TDRD7: variants seen among roughly 807,000 people sequenced by gnomAD.
TDRD7 encodes tudor domain containing 7, also known as tudor domain-containing protein 7.
Under a neutral mutation model 109.8 loss-of-function variants are expected in TDRD7, and 47 were observed. The ratio of observed to expected loss-of-function variants is 0.43; its 90% CI spans 0.34 to 0.55. The LOEUF (loss-of-function observed/expected upper bound fraction) is 0.55. TDRD7 is among the 20% of genes least tolerant of loss of function. TDRD7 has a pLI of 0.03. For missense variants in TDRD7, 1,164 were observed against 1,319.2 expected, an observed-to-expected ratio of 0.88 and a Z score of 1.82; for synonymous variants, 424 against 457.3, an observed-to-expected ratio of 0.93 and a Z score of 0.93.
intron 3 of TDRD7, among the ~76,000 whole-genome samples, chr9:97,431,279 C>T (rs951308846): frequency 4.6e-5 from 7 of 152,158 alleles, no homozygotes. Context: ...AGTAATTACA[C>T]AGTGGGAAAT....
At position 97,464,880 on chromosome 9, in the gene TDRD7, T is replaced by C; in HGVS notation, c.1481T>C (p.Met494Thr). ...GACTATTCTGCTGCTCAGGAATTAATGGAAGATGAGATGAAGGAATATTAC... is the reference window on the plus strand; with the variant it reads ...GACTATTCTGCTGCTCAGGAATTAACGGAAGATGAGATGAAGGAATATTAC... ...GKDYSAAQEL[M>T]EDEMKEYYSK... Residue 494 changes from methionine to threonine, a missense_variant, in exon 8 of 17, where the codon ATG (methionine) becomes ACG (threonine). This residue lies in a region of TDRD7 where 261 missense variants were observed against 336.2 expected (regional missense o/e 0.78). Coordinates refer to ENST00000355295, the MANE Select transcript of TDRD7 (RefSeq NM_014290.3). 1.2e-6 allele frequency: 2 copies of C among 1,614,178 alleles called. No homozygotes were observed. The highest frequency in any genetic ancestry group is 1.7e-6 in the Non-Finnish European group (2 of 1,180,016).
chr9:97,479,331 A>G (rs1464110165), intron 13 of TDRD7, among the ~76,000 whole-genome samples: 1 of 152,030 alleles, frequency 6.6e-6, no homozygotes, highest in Non-Finnish European at 1.5e-5. Context: ...TTTCAAAATC[A>G]TTTTTACTGT....
At chr9:97,473,118 G>A (rs991392903) in intron 10 of TDRD7, among the ~76,000 whole-genome samples, 4 of 152,164 alleles carry the variant, frequency 2.6e-5, no homozygotes, top group Admixed American at 1.3e-4. Flanking sequence ...ATTTGATTTT[G>A]TGAGAGTTTA....
rs151219145 is a variant in TDRD7 at position 97,472,537 on chromosome 9, A to G, written c.1944+42A>G. On this transcript the variant is annotated intron_variant, in intron 10 of 16. Coordinates refer to ENST00000355295, the MANE Select transcript of TDRD7 (RefSeq NM_014290.3). The stretch of plus-strand genomic sequence containing the variant: ...TGTTGTTGCTTGTTACACATTTTGT[A>G]TGAGAGAAAAATCACCAGAATATTA... The G allele has an allele frequency of 3.3e-6, 5 of 1,493,188 alleles. No individual in the cohort carries two copies. In the African/African-American group the frequency reaches 5.5e-5, roughly 16 times the overall value. 92.5% of individuals were successfully genotyped at this position (1,493,188 alleles called of 1,614,324 possible). A position where few individuals can be genotyped will look rare whatever the true frequency, so the allele number is the denominator to read the frequency against.
intron 1 of TDRD7, among the ~76,000 whole-genome samples, chr9:97,419,306 G>A (rs1827860843): frequency 6.6e-6 from 1 of 152,178 alleles, no homozygotes; most frequent in Admixed American, 6.5e-5. Flanking sequence ...AGGGTGGATT[G>A]GCACTGAGGA....
intron 4 of TDRD7, among the ~76,000 whole-genome samples, chr9:97,437,570 A>C (rs1447601600): frequency 6.6e-6 from 1 of 152,182 alleles, no homozygotes; most frequent in Non-Finnish European, 1.5e-5. Context: ...GGATTACACA[A>C]GGCTGTGAAT....
intron 1 of TDRD7, among the ~76,000 whole-genome samples, chr9:97,418,386 C>G (rs562495198): frequency 6.6e-6 from 1 of 151,956 alleles, no homozygotes; most frequent in South Asian, 2.1e-4. Flanking sequence ...ATGGAGGTCA[C>G]GAGACATCTG....
intron 16 of TDRD7, among the ~76,000 whole-genome samples, chr9:97,494,715 T>A (rs865783968): frequency 2.4e-3 from 185 of 77,660 alleles, no homozygotes; most frequent in South Asian, 7.4e-3. Context: ...TATATATATT[T>A]TTTTTTTTTT....
rs151023479 is a variant in TDRD7, at chr9:97,426,996, C to A, written c.-6-1464C>A. Among the ~76,000 whole-genome samples the A allele has an allele frequency of 3.5e-3, 539 of 152,204 alleles. 3 individuals carry two copies. Among genetic ancestry groups the A allele is most frequent in the African/African-American group, 0.013 (519 of 41,514 alleles). ...TTTAATTTAAGGTAAAATTTTAGTT[C>A]CTCAGTCATCCTGGCCATATTTTAA... On this transcript the variant is annotated intron_variant, in intron 1 of 16. Transcript: ENST00000355295.
intron 6 of TDRD7, among the ~76,000 whole-genome samples, 198 bp from the exon 7 acceptor site, chr9:97,459,980 C>T (rs1055676650): frequency 6.6e-6 from 1 of 152,074 alleles, no homozygotes. Context: ...TTTTATTTTC[C>T]TTTTTATTTC....
At chr9:97,479,186 AAT>A (rs1435987319) in intron 13 of TDRD7, among the ~76,000 whole-genome samples, 2 of 152,246 alleles carry the variant, frequency 1.3e-5, no homozygotes, top group Admixed American at 1.3e-4. Context: ...CCCAGTTACT[AAT>A]ATTTTCAAGA....
At chr9:97,418,073 G>A (rs1391295494) in intron 1 of TDRD7, among the ~76,000 whole-genome samples, 5 of 152,220 alleles carry the variant, frequency 3.3e-5, no homozygotes, top group East Asian at 1.9e-4. Context: ...TGCAGTGAGC[G>A]GAGATCACGC....
intron 4 of TDRD7, among the ~76,000 whole-genome samples, chr9:97,434,739 T>C (rs1828164278): frequency 6.6e-6 from 1 of 152,154 alleles, no homozygotes; most frequent in Admixed American, 6.6e-5. Context: ...CACTATAACT[T>C]TATTTATATT....
intron 2 of TDRD7, among the ~76,000 whole-genome samples, chr9:97,430,633 G>T (rs962666201): frequency 6.6e-6 from 1 of 152,080 alleles, no homozygotes; most frequent in Non-Finnish European, 1.5e-5. Context: ...ATCATAGGTT[G>T]CTTTTTGTTC....
chr9:97,488,502 G>A (rs771702573), intron 16 of TDRD7, among the ~76,000 whole-genome samples: 38 of 151,314 alleles, frequency 2.5e-4, no homozygotes, highest in Non-Finnish European at 4.4e-4. Context: ...ACACTGTCAT[G>A]TAGCATGGCC....
chr9:97,450,222 G>A (rs952950072), intron 6 of TDRD7, among the ~76,000 whole-genome samples: 3 of 152,146 alleles, frequency 2.0e-5, no homozygotes, highest in African/African-American at 7.2e-5. Flanking sequence ...GTTCCCAGTC[G>A]TTGGACTGAT....
chr9:97,421,903 A>G (rs1007264210), intron 1 of TDRD7, among the ~76,000 whole-genome samples: 3 of 152,112 alleles, frequency 2.0e-5, no homozygotes, highest in Non-Finnish European at 2.9e-5. Flanking sequence ...GCCTAACCCA[A>G]GGCCACAAAG....
intron 6 of TDRD7, among the ~76,000 whole-genome samples, chr9:97,449,212 G>A (rs1828449337): frequency 6.6e-6 from 1 of 152,160 alleles, no homozygotes; most frequent in African/African-American, 2.4e-5. Flanking sequence ...CAACACAGAA[G>A]GCTTCTGTGA....
At chr9:97,433,818 C>G (rs1004987074) in intron 4 of TDRD7, among the ~76,000 whole-genome samples, 1 of 152,114 alleles carries the variant, frequency 6.6e-6, no homozygotes, top group Non-Finnish European at 1.5e-5. Context: ...GATACCACTT[C>G]CCACCCAGTA....
Sources: gnomAD v4.1 joint callset for allele counts (sites outside exome capture counted in the v4.1 genomes callset) on GRCh38, gnomAD v4.1.1 for gene constraint, gnomAD v4.1.1 regional missense constraint, MANE v1.5 for transcripts, NCBI Gene and HGNC (gene_info 2026-07-23, HGNC 2026-07-21) for gene names.